ADAP2: variants seen among roughly 807,000 people sequenced by gnomAD.
ADAP2 encodes the protein ArfGAP with dual PH domains 2.
A neutral mutation model predicts 54.9 loss-of-function variants in ADAP2; 42 were observed. That is an observed-to-expected ratio of 0.77 (90% CI 0.60 to 0.99). The LOEUF is 0.99. Among genes scored for constraint, ADAP2 ranks in the 50% least tolerant of loss-of-function variants. The probability of loss-of-function intolerance (pLI) is 0.00; values close to 1 mark genes in which losing one functional copy is unlikely to be tolerated. For synonymous variants in ADAP2, 177 were observed against 180.1 expected (o/e 0.98, Z 0.14); for missense variants, 429 against 480.4 (o/e 0.89, Z 1.00).
intron 5 of ADAP2, among the ~76,000 whole-genome samples, chr17:30,935,656 G>A (rs1911816753): frequency 6.6e-6 from 1 of 152,204 alleles, no homozygotes; most frequent in Non-Finnish European, 1.5e-5. Context: ...TGCAGCCCCT[G>A]GGCCCCAGTC....
At chr17:30,927,066 C>A in intron 3 of ADAP2, 148 bp downstream of exon 3, 1 of 637,474 alleles carries the variant, frequency 1.6e-6, no homozygotes, top group Non-Finnish European at 2.8e-6. Flanking sequence ...GATACCATCA[C>A]AGAGAGCACA....
chr17:30,943,828 C>T (rs1196843241), intron 5 of ADAP2, among the ~76,000 whole-genome samples: 1 of 149,524 alleles, frequency 6.7e-6, no homozygotes, highest in Non-Finnish European at 1.5e-5. Context: ...GCCTGGACAA[C>T]AGAGCAAGAC....
chr17:30,951,123 T>C (rs538515504), intron 7 of ADAP2, among the ~76,000 whole-genome samples: 32 of 152,320 alleles, frequency 2.1e-4, no homozygotes, highest in African/African-American at 7.2e-4. Context: ...GGGTCTGTGG[T>C]CCTGTAATAA....
chr17:30,938,886 G>A (rs1408370523), intron 5 of ADAP2, among the ~76,000 whole-genome samples: 1 of 151,946 alleles, frequency 6.6e-6, no homozygotes, highest in African/African-American at 2.4e-5. Flanking sequence ...AAAATACTCT[G>A]GTGACCAACA....
At chr17:30,924,507 G>A (rs1413538561) in intron 2 of ADAP2, among the ~76,000 whole-genome samples, 6 of 152,182 alleles carry the variant, frequency 3.9e-5, no homozygotes, top group African/African-American at 1.2e-4. Context: ...CCCTCTGGGG[G>A]TGGAGGATAC....
At chr17:30,927,540 G>A (rs188803233) in intron 3 of ADAP2, among the ~76,000 whole-genome samples, 4 of 151,880 alleles carry the variant, frequency 2.6e-5, no homozygotes, top group African/African-American at 4.8e-5. Flanking sequence ...GTGTGAACCC[G>A]GGAGGCAGAG....
rs1912032663 is a variant in ADAP2, at chr17:30,938,309, T to C, written c.510+4012T>C. 4.6e-5 allele frequency among the ~76,000 whole-genome samples: 7 copies of C among 152,148 alleles called. No individual in the cohort carries two copies. The South Asian group carries it at 1.5e-3, about 32-fold the overall frequency. Reference sequence around the variant, plus strand: ...GTACTCTATATGGGGGCTCTGTCTTTCTCATTCAGGAGTCTAGCTTAAGCT... The same window carrying C: ...GTACTCTATATGGGGGCTCTGTCTTCCTCATTCAGGAGTCTAGCTTAAGCT... On this transcript the variant is annotated intron_variant, in intron 5 of 10. Coordinates refer to ENST00000330889, the MANE Select transcript of ADAP2 (RefSeq NM_018404.3).
chr17:30,943,237 TC>T (rs528574723), intron 5 of ADAP2, among the ~76,000 whole-genome samples: 1 of 151,764 alleles, frequency 6.6e-6, no homozygotes, highest in Non-Finnish European at 1.5e-5. Flanking sequence ...TGGTGGCGTA[TC>T]CCTGTAATCC....
intron 5 of ADAP2, 99 bp from the exon 6 acceptor site, chr17:30,944,808 T>G (rs748573098): frequency 2.4e-6 from 3 of 1,232,714 alleles, no homozygotes; most frequent in Non-Finnish European, 3.4e-6. Context: ...ACCCATATAT[T>G]TACAGATTGA....
chr17:30,934,769 A>T (rs964455897), intron 5 of ADAP2, among the ~76,000 whole-genome samples: 3 of 152,194 alleles, frequency 2.0e-5, no homozygotes, highest in African/African-American at 7.2e-5. Flanking sequence ...AGTAGCTCAC[A>T]CCTATAATCC....
intron 5 of ADAP2, among the ~76,000 whole-genome samples, chr17:30,936,365 T>C (rs1598036436): frequency 6.6e-6 from 1 of 152,252 alleles, no homozygotes; most frequent in East Asian, 1.9e-4. Context: ...GGTTTTGCTT[T>C]GTTGTCTACG....
At chr17:30,925,191 T>C (rs1910944893) in intron 2 of ADAP2, among the ~76,000 whole-genome samples, 2 of 142,136 alleles carry the variant, frequency 1.4e-5, no homozygotes. Context: ...GCATTTTTTT[T>C]TTTTTTTTTT....
At chr17:30,927,473 G>A (rs186474365) in intron 3 of ADAP2, among the ~76,000 whole-genome samples, 40 of 152,080 alleles carry the variant, frequency 2.6e-4, no homozygotes, top group Middle Eastern at 3.4e-3. Flanking sequence ...AAATTTAGCC[G>A]GGCGTGGTGG....
At chr17:30,933,900 A>G (rs905986839) in intron 4 of ADAP2, among the ~76,000 whole-genome samples, 1 of 152,236 alleles carries the variant, frequency 6.6e-6, no homozygotes, top group African/African-American at 2.4e-5. Context: ...CCAGTTTCTC[A>G]GGACTTTGCC....
intron 2 of ADAP2, among the ~76,000 whole-genome samples, chr17:30,925,663 T>C (rs1173375128): frequency 1.3e-5 from 2 of 151,334 alleles, no homozygotes; most frequent in Non-Finnish European, 2.9e-5. Context: ...TGGTGTGATC[T>C]TGGCTCACTG....
At chr17:30,932,089 A>G in intron 4 of ADAP2, 121 bp downstream of exon 4, 2 of 872,642 alleles carry the variant, frequency 2.3e-6, no homozygotes, top group South Asian at 1.6e-5. Context: ...CTGTGGCCGC[A>G]GAGGCCAAGG....
At chr17:30,928,761 G>A (rs188270984) in intron 3 of ADAP2, among the ~76,000 whole-genome samples, 1 of 152,150 alleles carries the variant, frequency 6.6e-6, no homozygotes, top group African/African-American at 2.4e-5. Flanking sequence ...TCCCCTGGAG[G>A]TGAGGGTTAG....
intron 7 of ADAP2, among the ~76,000 whole-genome samples, chr17:30,952,302 G>A (rs1904720383): frequency 6.6e-6 from 1 of 152,142 alleles, no homozygotes; most frequent in Admixed American, 6.5e-5. Flanking sequence ...GGCCAGAACT[G>A]GAATTAGAAC....
At chr17:30,949,160 G>C in intron 6 of ADAP2, 127 bp from the exon 7 acceptor site, 1 of 695,592 alleles carries the variant, frequency 1.4e-6, no homozygotes, top group Non-Finnish European at 2.5e-6. Context: ...CGAGCTGTGG[G>C]GTGTGTGCAG....
Sources: allele counts gnomAD v4.1 joint callset (sites outside exome capture counted in the v4.1 genomes callset), GRCh38; gene constraint gnomAD v4.1.1; transcripts MANE v1.5; gene names NCBI Gene and HGNC (gene_info 2026-07-23, HGNC 2026-07-21).